The following KIAA1217 variants were observed in gnomAD, a reference collection of about 807,000 sequenced individuals.
KIAA1217 encodes KIAA1217, also known as sickle tail protein homolog.
In KIAA1217, 88 loss-of-function variants were observed where a neutral mutation model predicts 163.9. That is an observed-to-expected ratio of 0.54 (90% CI 0.45 to 0.64). The LOEUF is 0.64. KIAA1217 is among the 30% of genes least tolerant of loss of function. The pLI is 0.00. For synonymous variants in KIAA1217, 903 were observed against 923.1 expected, an observed-to-expected ratio of 0.98 and a Z score of 0.39; for missense variants, 2,372 against 2,475.0, an observed-to-expected ratio of 0.96 and a Z score of 0.88.
rs10711541 is a variant in KIAA1217 at position 24,513,786 on chromosome 10, T to TAA, written c.2177+367_2177+368dup. The stretch of plus-strand genomic sequence containing the variant: ...GGTAACACAGGGAGATCCTGTCTCT[T>TAA]AAAAAAAAAAAAAAAACAGAGAGAG... On this transcript the variant is annotated intron_variant, in intron 10 of 20. Transcript: ENST00000376454. Among the ~76,000 whole-genome samples the TAA allele has an allele frequency of 2.9e-3, 402 of 140,734 alleles. 1 individual carries two copies. Among genetic ancestry groups the TAA allele is most frequent in the South Asian group, 0.01 (44 of 4,264 alleles). The allele number at this position is 140,734 out of a possible 152,430, so 92.3% of individuals were successfully genotyped here.
intron 1 of KIAA1217, among the ~76,000 whole-genome samples, chr10:23,938,604 A>G (rs1351693609): frequency 6.6e-6 from 1 of 152,194 alleles, no homozygotes; most frequent in Non-Finnish European, 1.5e-5. Flanking sequence ...AATGTAGCAT[A>G]ACAACTATTT....
intron 1 of KIAA1217, among the ~76,000 whole-genome samples, chr10:23,772,308 T>C (rs574813877): frequency 6.6e-6 from 1 of 152,346 alleles, no homozygotes; most frequent in African/African-American, 2.4e-5. Flanking sequence ...TTGTAGGTTT[T>C]AATGACCTGT....
In KIAA1217 at chr10:24,031,079, G is replaced by A. The variant is rs560709184; in HGVS notation, c.-171+23705G>A. Among the ~76,000 whole-genome samples the A allele has an allele frequency of 4.1e-4, 62 of 152,260 alleles. No individual in the cohort carries two copies. In the South Asian group the frequency reaches 8.3e-3, roughly 20 times the overall value. ...TTGCTGCATTTTATGGTAATTCTAA[G>A]TTTAATTCTTTGAGGAACTACCATT... is the stretch of plus-strand genomic sequence containing the variant. On this transcript the variant is annotated intron_variant, in intron 2 of 18. Coordinates refer to the KIAA1217 transcript ENST00000376462.
At chr10:24,313,131 C>G (rs1211920085) in intron 2 of KIAA1217, among the ~76,000 whole-genome samples, 5 of 152,158 alleles carry the variant, frequency 3.3e-5, no homozygotes, top group African/African-American at 1.2e-4. Flanking sequence ...TGGTATCCTT[C>G]TCTCTCCTCA....
intron 1 of KIAA1217, among the ~76,000 whole-genome samples, chr10:23,718,190 T>G (rs940056712): frequency 3.3e-5 from 5 of 152,184 alleles, no homozygotes; most frequent in Admixed American, 1.3e-4. Context: ...ATATGTGAAT[T>G]TCCTCTCTTT....
At chr10:24,468,008 A>G (rs1047557079) in intron 5 of KIAA1217, among the ~76,000 whole-genome samples, 9 of 152,226 alleles carry the variant, frequency 5.9e-5, no homozygotes, top group African/African-American at 1.7e-4. Flanking sequence ...GACAGATTCT[A>G]GGAAGATCTC....
At chr10:23,742,165 G>T (rs1321241693) in intron 1 of KIAA1217, among the ~76,000 whole-genome samples, 2 of 152,136 alleles carry the variant, frequency 1.3e-5, no homozygotes, top group African/African-American at 4.8e-5. Flanking sequence ...GTCGCTCTGG[G>T]GTTTGAGTAC....
At chr10:24,097,208 A>G (rs185613620) in intron 2 of KIAA1217, among the ~76,000 whole-genome samples, 32 of 152,302 alleles carry the variant, frequency 2.1e-4, no homozygotes, top group Admixed American at 1.8e-3. Context: ...AATTTATAGG[A>G]TCTGATGACT....
At chr10:23,770,515 C>A (rs1434680179) in intron 1 of KIAA1217, among the ~76,000 whole-genome samples, 1 of 152,168 alleles carries the variant, frequency 6.6e-6, no homozygotes, top group African/African-American at 2.4e-5. Context: ...GAGCTGGTGA[C>A]ACACAACTTC....
rs527824900 is a variant in KIAA1217 at position 24,057,704 on chromosome 10, G to A, written c.-171+50330G>A. Among the ~76,000 whole-genome samples, 7 of 152,066 alleles carry A rather than the reference G, an allele frequency of 4.6e-5. No homozygotes were observed. In the East Asian group the frequency reaches 9.7e-4, roughly 21 times the overall value. ...TACTGGATATTTGTATGTCTCCTTCGGAGTCGTGTCTATTCAAATTCTTAG... is the reference window on the plus strand; with the variant it reads ...TACTGGATATTTGTATGTCTCCTTCAGAGTCGTGTCTATTCAAATTCTTAG... On this transcript the variant is annotated intron_variant, in intron 2 of 18. Transcript: ENST00000376462.
chr10:24,404,202 C>G (rs1454945971), intron 3 of KIAA1217, among the ~76,000 whole-genome samples: 2 of 152,170 alleles, frequency 1.3e-5, no homozygotes, highest in Admixed American at 1.3e-4. Context: ...AAGCGAGGAG[C>G]CTCCCGCTTT....
intron 2 of KIAA1217, among the ~76,000 whole-genome samples, chr10:24,313,908 C>T (rs567525872): frequency 3.5e-5 from 5 of 141,916 alleles, no homozygotes; most frequent in South Asian, 2.5e-4. Flanking sequence ...GGTGCAATCT[C>T]GGCTCACTGC....
At chr10:24,041,281 T>G (rs1372675375) in intron 2 of KIAA1217, among the ~76,000 whole-genome samples, 2 of 152,028 alleles carry the variant, frequency 1.3e-5, no homozygotes, top group African/African-American at 4.8e-5. Flanking sequence ...AGAGGGAAAA[T>G]GGTTATCCTT....
At chr10:24,460,562 A>G (rs1282746409) in intron 5 of KIAA1217, among the ~76,000 whole-genome samples, 1 of 152,114 alleles carries the variant, frequency 6.6e-6, no homozygotes, top group Non-Finnish European at 1.5e-5. Flanking sequence ...CCCTCAGACA[A>G]TCCTTTCTTC....
At chr10:23,784,699 AAT>A (rs1486363233) in intron 1 of KIAA1217, among the ~76,000 whole-genome samples, 1 of 152,172 alleles carries the variant, frequency 6.6e-6, no homozygotes, top group Non-Finnish European at 1.5e-5. Flanking sequence ...TCAAGTTGAT[AAT>A]GTCTTAATTT....
intron 2 of KIAA1217, among the ~76,000 whole-genome samples, chr10:24,083,427 T>C (rs1249755312): frequency 6.6e-6 from 1 of 152,212 alleles, no homozygotes; most frequent in Non-Finnish European, 1.5e-5. Flanking sequence ...TTGGTGAAGG[T>C]ATTGGTTTTA....
At chr10:23,949,217 C>A (rs1844211672) in intron 1 of KIAA1217, among the ~76,000 whole-genome samples, 1 of 151,938 alleles carries the variant, frequency 6.6e-6, no homozygotes, top group Admixed American at 6.6e-5. Context: ...CGTGTGAAAC[C>A]CTGACAAAAA....
intron 1 of KIAA1217, among the ~76,000 whole-genome samples, chr10:23,916,413 C>A (rs1290513278): frequency 6.6e-6 from 1 of 152,196 alleles, no homozygotes; most frequent in Non-Finnish European, 1.5e-5. Flanking sequence ...TTTCTGCAAT[C>A]CCACCTCAGG....
chr10:24,166,555 A>C (rs1032622479), intron 2 of KIAA1217, among the ~76,000 whole-genome samples: 6 of 152,042 alleles, frequency 3.9e-5, no homozygotes, highest in Non-Finnish European at 7.4e-5. Context: ...CTGACCAACA[A>C]AGTGAAACCC....
Sources: gnomAD v4.1 joint callset for allele counts (sites outside exome capture counted in the v4.1 genomes callset) on GRCh38, gnomAD v4.1.1 for gene constraint, MANE v1.5 for transcripts, NCBI Gene and HGNC (gene_info 2026-07-23, HGNC 2026-07-21) for gene names.